Variants in PLPPR5 observed in about 807,000 individuals in gnomAD.
The protein encoded by PLPPR5 is phospholipid phosphatase-related protein type 5.
In PLPPR5, 16 loss-of-function variants were observed where a neutral mutation model predicts 33.9. The ratio of observed to expected loss-of-function variants is 0.47; its 90% CI spans 0.32 to 0.72. PLPPR5 has a LOEUF of 0.72. Among genes scored for constraint, PLPPR5 ranks in the 30% least tolerant of loss-of-function variants. The pLI is 0.03. For missense variants in PLPPR5, 301 were observed against 406.7 expected (o/e 0.74, Z 2.23); for synonymous variants, 163 against 150.3 (o/e 1.08, Z -0.62).
chr1:98,961,202 C>G, intron 1 of PLPPR5, among the ~76,000 whole-genome samples: 1 of 152,170 alleles, frequency 6.6e-6, no homozygotes, highest in East Asian at 1.9e-4. Context: ...TCTAACAACT[C>G]TTGTACTTCT....
chr1:98,961,060 C>T (rs382051), intron 1 of PLPPR5, among the ~76,000 whole-genome samples: 15,372 of 152,184 alleles, frequency 0.1, 940 homozygotes, highest in African/African-American at 0.16. Flanking sequence ...CTAACCTAGT[C>T]TGAAGTGTTT....
At chr1:98,947,618 C>T (rs1049162234) in intron 3 of PLPPR5, among the ~76,000 whole-genome samples, 12 of 152,226 alleles carry the variant, frequency 7.9e-5, no homozygotes, top group South Asian at 4.2e-4. Flanking sequence ...TTTTAAAACA[C>T]GCAGTTCATG....
intron 1 of PLPPR5, among the ~76,000 whole-genome samples, chr1:98,992,882 T>C (rs1652497694): frequency 6.6e-6 from 1 of 152,054 alleles, no homozygotes; most frequent in Non-Finnish European, 1.5e-5. Flanking sequence ...ATAACAGTAT[T>C]AGTGAGAAGG....
intron 1 of PLPPR5, among the ~76,000 whole-genome samples, chr1:98,981,533 C>T (rs181658889): frequency 6.6e-6 from 1 of 152,180 alleles, no homozygotes; most frequent in East Asian, 1.9e-4. Context: ...CTCCACTCCA[C>T]CTCATTCCAC....
intron 1 of PLPPR5, among the ~76,000 whole-genome samples, chr1:98,969,744 T>TTCCTTC (rs1557687857): frequency 3.9e-5 from 4 of 101,940 alleles, no homozygotes; most frequent in African/African-American, 1.8e-4. Flanking sequence ...TTCCTTCCTT[T>TTCCTTC]CTTTCTTTTT....
At chr1:98,902,073 C>G (rs1325068146) in intron 5 of PLPPR5, among the ~76,000 whole-genome samples, 1 of 151,894 alleles carries the variant, frequency 6.6e-6, no homozygotes, top group Non-Finnish European at 1.5e-5. Context: ...AGTTGTATGA[C>G]CTTGGATGTA....
intron 3 of PLPPR5, among the ~76,000 whole-genome samples, chr1:98,941,504 A>G (rs771875635): frequency 1.1e-4 from 17 of 151,166 alleles, no homozygotes; most frequent in Non-Finnish European, 1.9e-4. Flanking sequence ...AATTTCTTTC[A>G]AAGATGCGAC....
At chr1:98,966,533 C>G (rs1448120431) in intron 1 of PLPPR5, among the ~76,000 whole-genome samples, 2 of 152,022 alleles carry the variant, frequency 1.3e-5, no homozygotes, top group East Asian at 1.9e-4. Flanking sequence ...ATAAAGTAAC[C>G]TATATATGTT....
chr1:98,984,706 C>G (rs1652191075), intron 1 of PLPPR5, among the ~76,000 whole-genome samples: 1 of 151,776 alleles, frequency 6.6e-6, no homozygotes, highest in South Asian at 2.1e-4. Context: ...TAACCTTTTC[C>G]CTTAGTTACT....
chr1:98,968,507 T>C (rs1651532096), intron 1 of PLPPR5, among the ~76,000 whole-genome samples: 2 of 152,064 alleles, frequency 1.3e-5, no homozygotes, highest in Non-Finnish European at 2.9e-5. Flanking sequence ...ACAAGCAAAA[T>C]TTAACTGTCC....
intron 1 of PLPPR5, among the ~76,000 whole-genome samples, chr1:98,992,100 G>A (rs1652472267): frequency 6.6e-6 from 1 of 152,168 alleles, no homozygotes; most frequent in Admixed American, 6.6e-5. Context: ...AAGCATTAAG[G>A]AAAGAGTTAT....
At chr1:98,967,702 GTGAGGTTATTGTTATAACATTCATAGAAA>G (rs1163934414) in intron 1 of PLPPR5, among the ~76,000 whole-genome samples, 1 of 152,038 alleles carries the variant, frequency 6.6e-6, no homozygotes, top group Admixed American at 6.6e-5. Context: ...TGGGGCTGTT[GTGAGGTTATTGTTATAACATTCATAGAAA>G]TGAGGTTATT....
intron 3 of PLPPR5, among the ~76,000 whole-genome samples, chr1:98,946,579 G>A (rs1040814931): frequency 2.0e-5 from 3 of 152,036 alleles, no homozygotes; most frequent in Middle Eastern, 3.2e-3. Context: ...TTCTCCCCCT[G>A]TTCAAATCAT....
At chr1:98,963,618 C>T (rs1040534953) in intron 1 of PLPPR5, among the ~76,000 whole-genome samples, 1 of 152,108 alleles carries the variant, frequency 6.6e-6, no homozygotes, top group African/African-American at 2.4e-5. Context: ...TTGACCACAG[C>T]CTCTGCCTGG....
Position 98,956,594 on chromosome 1 carries a change from T to A in PLPPR5, c.370+15A>T, listed in dbSNP as rs757021497. ...CTGTTTCAGAAATATTAAAAATAAT[T>A]TAATGAACACATACCAAGAAATCGG... On this transcript the variant is annotated intron_variant, in intron 2 of 5. Coordinates refer to ENST00000263177, the MANE Select transcript of PLPPR5 (RefSeq NM_001037317.2). 11 of 1,560,408 alleles carry A rather than the reference T, an allele frequency of 7.0e-6. No individual in the cohort carries two copies. The African/African-American group carries it at 1.4e-4, about 20-fold the overall frequency.
intron 1 of PLPPR5, among the ~76,000 whole-genome samples, chr1:98,963,393 T>C (rs565907215): frequency 3.3e-5 from 5 of 152,328 alleles, no homozygotes; most frequent in Admixed American, 6.5e-5. Flanking sequence ...GAGGTAAGGA[T>C]TGCATAACAT....
chr1:98,919,217 G>A (rs1649464278), intron 4 of PLPPR5, among the ~76,000 whole-genome samples: 2 of 152,254 alleles, frequency 1.3e-5, no homozygotes, highest in African/African-American at 2.4e-5. Flanking sequence ...TGGTCAGAGA[G>A]CAAAGATACA....
At chr1:98,978,932 C>T (rs888620869) in intron 1 of PLPPR5, among the ~76,000 whole-genome samples, 4 of 152,010 alleles carry the variant, frequency 2.6e-5, no homozygotes, top group African/African-American at 9.7e-5. Flanking sequence ...AATCCAAATA[C>T]ACCTGACAGG....
At chr1:98,990,678 G>T (rs572600555) in intron 1 of PLPPR5, among the ~76,000 whole-genome samples, 4 of 152,068 alleles carry the variant, frequency 2.6e-5, no homozygotes, top group Non-Finnish European at 5.9e-5. Context: ...AATCAGTGAT[G>T]ATTAGGAAAT....
Sources: allele counts gnomAD v4.1 joint callset (sites outside exome capture counted in the v4.1 genomes callset), GRCh38; gene constraint gnomAD v4.1.1; transcripts MANE v1.5; gene names NCBI Gene and HGNC (gene_info 2026-07-23, HGNC 2026-07-21).